Variants in PTPN13 observed in about 807,000 individuals in gnomAD.
The protein encoded by PTPN13 is protein tyrosine phosphatase non-receptor type 13.
Under a neutral mutation model 284.0 loss-of-function variants are expected in PTPN13, and 191 were observed. The ratio of observed to expected loss-of-function variants is 0.67; its 90% CI spans 0.60 to 0.76. PTPN13 has a LOEUF of 0.76. Among genes scored for constraint, PTPN13 ranks in the 30% least tolerant of loss-of-function variants. PTPN13 has a pLI of 0.00. For missense variants in PTPN13, 2,797 were observed against 2,939.9 expected, an observed-to-expected ratio of 0.95 and a Z score of 1.12; for synonymous variants, 986 against 1,022.3, an observed-to-expected ratio of 0.96 and a Z score of 0.68.
At chr4:86,676,336 T>A (rs1466097981) in intron 3 of PTPN13, among the ~76,000 whole-genome samples, 1 of 152,228 alleles carries the variant, frequency 6.6e-6, no homozygotes, top group Non-Finnish European at 1.5e-5. Flanking sequence ...TTACAATGGC[T>A]ACTATCAAAA....
At chr4:86,705,767 TGTAGATTTTCATC>T (rs1731694578) in intron 7 of PTPN13, among the ~76,000 whole-genome samples, 1 of 152,044 alleles carries the variant, frequency 6.6e-6, no homozygotes, top group Non-Finnish European at 1.5e-5. Flanking sequence ...TTTTGGAGAT[TGTAGATTTTCATC>T]ATGGATTTTC....
At chr4:86,614,167 A>G in intron 1 of PTPN13, among the ~76,000 whole-genome samples, 1 of 152,220 alleles carries the variant, frequency 6.6e-6, no homozygotes, top group South Asian at 2.1e-4. Flanking sequence ...GTAATATACA[A>G]GACGGATTTC....
intron 35 of PTPN13, among the ~76,000 whole-genome samples, chr4:86,778,937 A>G (rs1182757612): frequency 6.6e-6 from 1 of 151,908 alleles, no homozygotes; most frequent in East Asian, 1.9e-4. Flanking sequence ...GTTGGAAAAA[A>G]AAAAGATATC....
chr4:86,755,874 A>G (rs1001933628), intron 20 of PTPN13, among the ~76,000 whole-genome samples: 1 of 151,888 alleles, frequency 6.6e-6, no homozygotes, highest in Admixed American at 6.6e-5. Context: ...GGGATGTTTA[A>G]AACTCACCAC....
At chr4:86,691,979 A>G (rs887676153) in intron 5 of PTPN13, among the ~76,000 whole-genome samples, 1 of 152,192 alleles carries the variant, frequency 6.6e-6, no homozygotes, top group Non-Finnish European at 1.5e-5. Context: ...GCAAAATAGG[A>G]ATAATAATAA....
At chr4:86,643,739 T>C (rs541414633) in intron 2 of PTPN13, among the ~76,000 whole-genome samples, 69 of 152,310 alleles carry the variant, frequency 4.5e-4, no homozygotes, top group Admixed American at 5.2e-4. Flanking sequence ...ATCTGTTCGG[T>C]CTAATCATTT....
chr4:86,653,518 G>A (rs1292470872), intron 2 of PTPN13, among the ~76,000 whole-genome samples: 1 of 141,272 alleles, frequency 7.1e-6, no homozygotes, highest in South Asian at 2.2e-4. Flanking sequence ...TTGATTTTGT[G>A]TTTATTGTTT....
intron 21 of PTPN13, 62 bp from the exon 22 acceptor site, chr4:86,758,616 G>C: frequency 7.3e-7 from 1 of 1,367,782 alleles, no homozygotes; most frequent in Admixed American, 1.7e-5. Context: ...TTTCAGGCAG[G>C]CTAATCATTA....
At chr4:86,731,793 C>T (rs759519563) in intron 10 of PTPN13, among the ~76,000 whole-genome samples, 1 of 152,096 alleles carries the variant, frequency 6.6e-6, no homozygotes, top group Non-Finnish European at 1.5e-5. Context: ...CAGGTATGCA[C>T]CACAGTGCCC....
intron 1 of PTPN13, among the ~76,000 whole-genome samples, chr4:86,618,107 G>A (rs1720779077): frequency 6.6e-6 from 1 of 152,044 alleles, no homozygotes; most frequent in African/African-American, 2.4e-5. Context: ...TTTTGTATAA[G>A]GTGTAAGGAA....
At chr4:86,735,871 G>T in intron 15 of PTPN13, 125 bp downstream of exon 15, 1 of 812,276 alleles carries the variant, frequency 1.2e-6, no homozygotes, top group Non-Finnish European at 1.8e-6. Flanking sequence ...TCATCTCATT[G>T]CTGGCTAAAA....
At chr4:86,662,568 G>T (rs1726632707) in intron 2 of PTPN13, among the ~76,000 whole-genome samples, 1 of 152,152 alleles carries the variant, frequency 6.6e-6, no homozygotes, top group Non-Finnish European at 1.5e-5. Flanking sequence ...TTGACCTCAT[G>T]ATCCACCTGC....
chr4:86,680,254 T>C (rs1728722520), intron 3 of PTPN13, among the ~76,000 whole-genome samples: 1 of 152,180 alleles, frequency 6.6e-6, no homozygotes, highest in African/African-American at 2.4e-5. Context: ...GTTATAACTG[T>C]ATAGACAGAA....
Position 86,810,097 on chromosome 4 carries a change from G to T in PTPN13, c.7299+113G>T. 4 of 752,864 alleles carry T rather than the reference G, an allele frequency of 5.3e-6. No individual in the cohort carries two copies. In the East Asian group the frequency reaches 8.7e-5, roughly 16 times the overall value. The allele number at this position is 752,864 out of a possible 1,614,324, so 46.6% of individuals were successfully genotyped here. On this transcript the variant is annotated intron_variant, in intron 46 of 47. Transcript: ENST00000411767. Reference sequence around the variant, plus strand: ...TTTTAACTTATGAGTTTATATGACTGCCTTCATTTTCTTCTTATATTATTA... The same window carrying T: ...TTTTAACTTATGAGTTTATATGACTTCCTTCATTTTCTTCTTATATTATTA...
intron 2 of PTPN13, among the ~76,000 whole-genome samples, chr4:86,648,495 C>T (rs1489476877): frequency 6.6e-6 from 1 of 152,068 alleles, no homozygotes; most frequent in Non-Finnish European, 1.5e-5. Flanking sequence ...CTTTCTGTAC[C>T]TGGCTTGTTT....
At chr4:86,801,446 G>A (rs1394979978) in intron 42 of PTPN13, among the ~76,000 whole-genome samples, 1 of 152,098 alleles carries the variant, frequency 6.6e-6, no homozygotes, top group East Asian at 1.9e-4. Flanking sequence ...TGGGGGGTGA[G>A]GGGGCAGGTA....
intron 10 of PTPN13, among the ~76,000 whole-genome samples, chr4:86,728,208 A>G (rs1329732838): frequency 2.7e-5 from 4 of 149,520 alleles, no homozygotes; most frequent in African/African-American, 9.8e-5. Context: ...GTTCTTTTAC[A>G]TTTGCTGAGT....
intron 7 of PTPN13, among the ~76,000 whole-genome samples, chr4:86,705,029 G>A (rs1233770626): frequency 6.6e-6 from 1 of 152,082 alleles, no homozygotes; most frequent in Non-Finnish European, 1.5e-5. Flanking sequence ...TTTTCTAAAG[G>A]TGAGGTAATT....
In PTPN13 at chr4:86,780,360, A is replaced by C. The variant is rs749084276; in HGVS notation, c.5892-42A>C. The stretch of plus-strand genomic sequence containing the variant: ...CTTGGGCCTGGGAGGTCAAGGCTAC[A>C]ATGTCCAAGACAATTTACAGTTGTC... On this transcript the variant is annotated intron_variant, in intron 35 of 47. Coordinates refer to ENST00000411767, the MANE Select transcript of PTPN13 (RefSeq NM_080683.3). 15 of 1,544,554 alleles carry C rather than the reference A, an allele frequency of 9.7e-6. No homozygotes were observed. The South Asian group carries it at 1.6e-4, about 17-fold the overall frequency.
Sources: allele counts gnomAD v4.1 joint callset (sites outside exome capture counted in the v4.1 genomes callset), GRCh38; gene constraint gnomAD v4.1.1; transcripts MANE v1.5; gene names NCBI Gene and HGNC (gene_info 2026-07-23, HGNC 2026-07-21).